Variants in PPP1R12B observed in about 807,000 individuals in gnomAD.
The protein encoded by PPP1R12B is protein phosphatase 1 regulatory subunit 12B, also known as myosin phosphatase target subunit 2.
PPP1R12B carries 76 observed loss-of-function variants against 126.1 expected under a neutral mutation model. The ratio of observed to expected loss-of-function variants is 0.60; its 90% confidence interval spans 0.50 to 0.73. The LOEUF is 0.73. Ranked by LOEUF, PPP1R12B falls within the 30% of genes least tolerant of loss-of-function variation. The pLI is 0.00. For synonymous variants in PPP1R12B, 356 were observed against 434.7 expected, an observed-to-expected ratio of 0.82 and a Z score of 2.25; for missense variants, 1,052 against 1,205.1, an observed-to-expected ratio of 0.87 and a Z score of 1.88.
intron 18 of PPP1R12B, among the ~76,000 whole-genome samples, chr1:202,546,483 A>G (rs1337359591): frequency 6.6e-6 from 1 of 151,924 alleles, no homozygotes; most frequent in South Asian, 2.1e-4. Context: ...ACGTGCCTAT[A>G]CTCTTAGCTA....
rs1254084717 is a variant in PPP1R12B, at chr1:202,591,209, C to A, written c.*10649C>A. 6.6e-6 allele frequency: 1 copy of A among 152,406 alleles called. No individual in the cohort carries two copies. The highest frequency in any genetic ancestry group is 2.4e-5 in the African/African-American group (1 of 41,470). The allele number at this position is 152,406 out of a possible 1,614,324, so 9.4% of individuals were successfully genotyped here. A position where few individuals can be genotyped will look rare whatever the true frequency, so the allele number is the denominator to read the frequency against. ...AGGTCCCTGGGACTTCTGTGTGCAA[C>A]TTCTGTTGTGGTTTGTGCAGGGCAA... On this transcript the variant is annotated 3_prime_UTR_variant, in exon 24 of 24. Coordinates refer to ENST00000608999, the MANE Select transcript of PPP1R12B (RefSeq NM_002481.4).
At chr1:202,353,588 G>T (rs979075485) in intron 1 of PPP1R12B, among the ~76,000 whole-genome samples, 9 of 71,010 alleles carry the variant, frequency 1.3e-4, no homozygotes, top group Admixed American at 3.8e-4. Context: ...CTTCTTCTTT[G>T]TGTGTGTGTG....
chr1:202,468,781 C>T (rs1401957569), intron 13 of PPP1R12B, among the ~76,000 whole-genome samples: 1 of 152,108 alleles, frequency 6.6e-6, no homozygotes, highest in Non-Finnish European at 1.5e-5. Context: ...TGGTGAAATC[C>T]TGTCTCTACT....
intron 13 of PPP1R12B, among the ~76,000 whole-genome samples, chr1:202,455,309 G>A (rs1224439993): frequency 6.6e-6 from 1 of 152,108 alleles, no homozygotes; most frequent in Non-Finnish European, 1.5e-5. Context: ...CATCATCACA[G>A]TAAATTACAG....
At chr1:202,374,128 A>T (rs1571665873) in intron 1 of PPP1R12B, among the ~76,000 whole-genome samples, 1 of 152,192 alleles carries the variant, frequency 6.6e-6, no homozygotes, top group Admixed American at 6.5e-5. Context: ...CCTGAGCTTT[A>T]TAACTATATA....
chr1:202,440,826 C>T, intron 11 of PPP1R12B, 38 bp downstream of exon 11: 1 of 1,515,422 alleles, frequency 6.6e-7, no homozygotes. Flanking sequence ...TCCTCATCCT[C>T]TTAGGTCTAC....
intron 9 of PPP1R12B, among the ~76,000 whole-genome samples, chr1:202,435,523 G>A (rs1670692854): frequency 1.3e-5 from 2 of 152,154 alleles, no homozygotes; most frequent in African/African-American, 4.8e-5. Flanking sequence ...TGAGTAAAGG[G>A]CAGAGGTAGA....
In PPP1R12B at chr1:202,496,823, G is replaced by T. The variant is rs2148861501; in HGVS notation, c.2490+1G>T. ...CTCTGAAGAGGTCAAAGAAACGTGGGTAAGTGACAAGCCAGTGAAGCATGT... is the reference window on the plus strand; with the variant it reads ...CTCTGAAGAGGTCAAAGAAACGTGGTTAAGTGACAAGCCAGTGAAGCATGT... On this transcript the variant is annotated splice_donor_variant, in intron 18 of 23. Transcript: ENST00000608999. LOFTEE classifies it high-confidence loss of function. 6.2e-7 allele frequency: 1 copy of T among 1,610,910 alleles called. No homozygotes were observed. Among genetic ancestry groups the T allele is most frequent in the Non-Finnish European group, 8.5e-7 (1 of 1,177,304 alleles).
chr1:202,408,051 ATAT>A (rs1666857197), intron 1 of PPP1R12B, among the ~76,000 whole-genome samples: 1 of 152,192 alleles, frequency 6.6e-6, no homozygotes, highest in Admixed American at 6.5e-5. Flanking sequence ...TTATATGCAA[ATAT>A]TATACCATTT....
At chr1:202,572,763 G>A (rs1377756006) in intron 23 of PPP1R12B, among the ~76,000 whole-genome samples, 4 of 152,158 alleles carry the variant, frequency 2.6e-5, no homozygotes, top group Non-Finnish European at 4.4e-5. Flanking sequence ...TTCCTTTTTA[G>A]ATTGGTCCTG....
intron 13 of PPP1R12B, chr1:202,471,999 C>T: frequency 1.3e-6 from 2 of 1,595,970 alleles, no homozygotes; most frequent in Non-Finnish European, 1.7e-6. Flanking sequence ...GATTTTATAG[C>T]ATCCTGGGCA....
intron 8 of PPP1R12B, among the ~76,000 whole-genome samples, chr1:202,433,438 A>T (rs565551300): frequency 6.1e-4 from 93 of 152,298 alleles, no homozygotes; most frequent in African/African-American, 2.0e-3. Flanking sequence ...ACCTCTGTTT[A>T]AACCTATGAC....
rs1260438477 is a variant in PPP1R12B at position 202,500,716 on chromosome 1, AAAG to A, written c.2490+3896_2490+3898del. Among the ~76,000 whole-genome samples, 3 of 152,362 alleles carry A rather than the reference AAAG, an allele frequency of 2.0e-5. No homozygotes were observed. In the East Asian group the frequency reaches 5.8e-4, roughly 29 times the overall value. On this transcript the variant is annotated intron_variant, in intron 18 of 23. Coordinates refer to ENST00000608999, the MANE Select transcript of PPP1R12B (RefSeq NM_002481.4). ...TATTGTATATTTTCAAATAGCTAGA[AAAG>A]AGGATTTTGAATGTTCCTAACATAA...
intron 1 of PPP1R12B, among the ~76,000 whole-genome samples, chr1:202,370,499 G>A (rs1660025485): frequency 6.6e-6 from 1 of 151,782 alleles, no homozygotes; most frequent in Admixed American, 6.6e-5. Context: ...TATTTCTCTT[G>A]GGTAAATACC....
At chr1:202,439,132 C>T (rs184291525) in intron 10 of PPP1R12B, 2 of 1,578,898 alleles carry the variant, frequency 1.3e-6, no homozygotes, top group East Asian at 4.5e-5. Context: ...AGGAGCAGCT[C>T]CTGTAGTTGA....
Position 202,439,199 on chromosome 1 carries a change from G to T in PPP1R12B, c.1458+1175G>T, listed in dbSNP as rs966467391. The T allele has an allele frequency of 3.4e-6, 5 of 1,477,206 alleles. No individual in the cohort carries two copies. The Admixed American group carries it at 8.4e-5, about 25-fold the overall frequency. 91.5% of individuals were successfully genotyped at this position (1,477,206 alleles called of 1,614,324 possible). On this transcript the variant is annotated intron_variant, in intron 10 of 23. Coordinates refer to ENST00000608999, the MANE Select transcript of PPP1R12B (RefSeq NM_002481.4). ...GCAGCTGAAGCTCGACCACTACTGC[G>T]CAGCCCTGTGCTCCTGCAGCCTCGT...
At chr1:202,535,041 A>ATGTGTGTG (rs999207476) in intron 18 of PPP1R12B, among the ~76,000 whole-genome samples, 4 of 149,928 alleles carry the variant, frequency 2.7e-5, no homozygotes, top group Non-Finnish European at 1.5e-5. Flanking sequence ...ATGGATGATT[A>ATGTGTGTG]TGTGTGTGTG....
At chr1:202,438,672 C>T in intron 10 of PPP1R12B, 1 of 582,496 alleles carries the variant, frequency 1.7e-6, no homozygotes, top group Non-Finnish European at 3.2e-6. Context: ...ACGCTTGTCC[C>T]AGGGCCGCCG....
At chr1:202,444,315 A>G (rs1040704067) in intron 12 of PPP1R12B, among the ~76,000 whole-genome samples, 1 of 152,196 alleles carries the variant, frequency 6.6e-6, no homozygotes, top group African/African-American at 2.4e-5. Context: ...CATTTCTATT[A>G]TAGTCAAGAA....
Sources: gnomAD v4.1 joint callset for allele counts (sites outside exome capture counted in the v4.1 genomes callset) on GRCh38, gnomAD v4.1.1 for gene constraint, MANE v1.5 for transcripts, NCBI Gene and HGNC (gene_info 2026-07-23, HGNC 2026-07-21) for gene names.